The following SCAI variants were observed in gnomAD, a reference collection of about 807,000 sequenced individuals.
SCAI encodes the protein suppressor of cancer cell invasion.
In SCAI, 24 loss-of-function variants were observed where a neutral mutation model predicts 92.2. The observed-to-expected ratio is 0.26, with a 90% CI of 0.19 to 0.37. SCAI has a LOEUF of 0.37. Ranked by LOEUF, SCAI falls within the 10% of genes least tolerant of loss-of-function variation. SCAI has a pLI of 1.00. For synonymous variants in SCAI, 261 were observed against 258.6 expected (o/e 1.01, Z -0.09); for missense variants, 450 against 736.2 (o/e 0.61, Z 4.50).
rs533441667 is a variant in SCAI, at chr9:125,111,448, G to A, written c.98+31185C>T. Among the ~76,000 whole-genome samples the A allele has an allele frequency of 1.1e-4, 17 of 152,270 alleles. No individual in the cohort carries two copies. The South Asian group carries it at 2.9e-3, about 26-fold the overall frequency. ...AAGCAGATGAAATAGAGTAAATCAA[G>A]CTTGTCCAACCCATGGCCCATGAAC... On this transcript the variant is annotated intron_variant, in intron 2 of 17. Transcript: ENST00000336505.
intron 2 of SCAI, among the ~76,000 whole-genome samples, chr9:125,086,883 C>G (rs1834334053): frequency 6.6e-6 from 1 of 152,044 alleles, no homozygotes; most frequent in Non-Finnish European, 1.5e-5. Flanking sequence ...AACTGTTTCC[C>G]AGGGTTATCA....
chr9:125,002,795 G>A (rs925173232), intron 11 of SCAI, among the ~76,000 whole-genome samples: 1 of 151,696 alleles, frequency 6.6e-6, no homozygotes, highest in African/African-American at 2.4e-5. Flanking sequence ...ATTCTGCATT[G>A]TTACACCTAA....
At chr9:125,013,323 C>G (rs879726124) in intron 9 of SCAI, among the ~76,000 whole-genome samples, 1 of 151,582 alleles carries the variant, frequency 6.6e-6, no homozygotes, top group African/African-American at 2.4e-5. Context: ...ATCAAATAGA[C>G]GCAATAAAAA....
chr9:124,966,405 T>G (rs1280470734), intron 17 of SCAI, among the ~76,000 whole-genome samples: 1 of 152,156 alleles, frequency 6.6e-6, no homozygotes, highest in Admixed American at 6.5e-5. Flanking sequence ...GAAACCATCA[T>G]TCTCAGCAAA....
intron 2 of SCAI, among the ~76,000 whole-genome samples, chr9:125,065,388 CAAAG>C (rs1406014575): frequency 2.0e-5 from 3 of 152,088 alleles, no homozygotes; most frequent in African/African-American, 7.2e-5. Flanking sequence ...ACCTGATACA[CAAAG>C]AAATTTTGAA....
chr9:125,015,336 G>GAAAAAAAC (rs1432725382), intron 9 of SCAI, among the ~76,000 whole-genome samples: 1 of 151,790 alleles, frequency 6.6e-6, no homozygotes, highest in Non-Finnish European at 1.5e-5. Flanking sequence ...AAATTTACAA[G>GAAAAAAAC]AAAAAAACAA....
intron 6 of SCAI, among the ~76,000 whole-genome samples, chr9:125,022,580 TTTTTTA>T (rs1266656909): frequency 1.3e-5 from 2 of 152,086 alleles, no homozygotes; most frequent in East Asian, 3.8e-4. Flanking sequence ...CCTGGGTAAT[TTTTTTA>T]TTTTTATTTT....
chr9:125,108,259 C>G (rs1213063703), intron 2 of SCAI, among the ~76,000 whole-genome samples: 11 of 152,262 alleles, frequency 7.2e-5, no homozygotes, highest in Non-Finnish European at 1.3e-4. Context: ...GCCACCCCGT[C>G]TGGGAAGTGA....
chr9:125,071,900 G>C (rs980348552), intron 2 of SCAI, among the ~76,000 whole-genome samples: 7 of 152,200 alleles, frequency 4.6e-5, no homozygotes, highest in African/African-American at 1.7e-4. Context: ...TGATTAGCAT[G>C]ACGTGTTCAG....
chr9:125,047,481 C>T (rs1271699911), intron 3 of SCAI, among the ~76,000 whole-genome samples: 3 of 152,194 alleles, frequency 2.0e-5, no homozygotes, highest in Admixed American at 6.5e-5. Flanking sequence ...TGGTAACCAT[C>T]AAATCCCAGG....
chr9:124,962,735 TA>T, intron 17 of SCAI, among the ~76,000 whole-genome samples: 1 of 152,236 alleles, frequency 6.6e-6, no homozygotes, highest in Non-Finnish European at 1.5e-5. Context: ...ACAGATAACA[TA>T]AACAGTCAAT....
intron 17 of SCAI, among the ~76,000 whole-genome samples, chr9:124,969,164 C>T (rs1018192107): frequency 2.0e-5 from 3 of 152,222 alleles, no homozygotes; most frequent in Non-Finnish European, 4.4e-5. Context: ...AGGCTGGTCT[C>T]AAATTCCTAG....
chr9:125,029,816 C>A lies in SCAI; in HGVS notation c.231-77G>T. 5.0e-6 allele frequency: 4 copies of A among 796,588 alleles called. No individual in the cohort carries two copies. The South Asian group carries it at 9.9e-5, about 20-fold the overall frequency. The allele number at this position is 796,588 out of a possible 1,614,324, so 49.3% of individuals were successfully genotyped here. A position where few individuals can be genotyped will look rare whatever the true frequency, so the allele number is the denominator to read the frequency against. On this transcript the variant is annotated intron_variant, in intron 3 of 17. Transcript: ENST00000336505. ...AAATTATGTCTTGTGATGGTACAAA[C>A]CAGACAGATGAAAAATGCTTGCATT...
At chr9:125,071,286 C>A (rs1833974692) in intron 2 of SCAI, among the ~76,000 whole-genome samples, 1 of 152,106 alleles carries the variant, frequency 6.6e-6, no homozygotes, top group African/African-American at 2.4e-5. Context: ...ATAGTTCTAG[C>A]TATTAGGATG....
At chr9:124,972,062 T>C (rs1373440877) in intron 15 of SCAI, among the ~76,000 whole-genome samples, 1 of 152,198 alleles carries the variant, frequency 6.6e-6, no homozygotes, top group Non-Finnish European at 1.5e-5. Flanking sequence ...TTAAGAGAAA[T>C]GGAAAATGAT....
intron 2 of SCAI, among the ~76,000 whole-genome samples, chr9:125,076,717 T>C (rs1037448211): frequency 2.2e-4 from 33 of 152,104 alleles, no homozygotes; most frequent in African/African-American, 7.7e-4. Flanking sequence ...TCTTTTTTTT[T>C]TGAGACAGAG....
At chr9:124,966,954 T>C (rs1229663463) in intron 17 of SCAI, among the ~76,000 whole-genome samples, 1 of 151,870 alleles carries the variant, frequency 6.6e-6, no homozygotes, top group Non-Finnish European at 1.5e-5. Context: ...AATGTGTTTT[T>C]ATTCACCCAT....
At chr9:125,082,295 C>A (rs1251128663) in intron 2 of SCAI, among the ~76,000 whole-genome samples, 1 of 152,232 alleles carries the variant, frequency 6.6e-6, no homozygotes, top group African/African-American at 2.4e-5. Flanking sequence ...GCACAGAAGT[C>A]AAGACCTGAA....
chr9:125,122,588 CA>C (rs34757267), intron 2 of SCAI, among the ~76,000 whole-genome samples: 1,353 of 59,836 alleles, frequency 0.023, 11 homozygotes, highest in Admixed American at 0.075. Flanking sequence ...GACTCCATCT[CA>C]AAAAAAAAAA....
Sources: gnomAD v4.1 joint callset for allele counts (sites outside exome capture counted in the v4.1 genomes callset) on GRCh38, gnomAD v4.1.1 for gene constraint, MANE v1.5 for transcripts, NCBI Gene and HGNC (gene_info 2026-07-23, HGNC 2026-07-21) for gene names.